PCDH9: variants seen among roughly 807,000 people sequenced by gnomAD.
PCDH9 encodes the protein protocadherin-9.
Under a neutral mutation model 70.6 loss-of-function variants are expected in PCDH9, and 24 were observed. The observed-to-expected ratio is 0.34, with a 90% CI of 0.25 to 0.48. PCDH9 has a LOEUF of 0.48. Among genes scored for constraint, PCDH9 ranks in the 20% least tolerant of loss-of-function variants. The pLI, the probability that PCDH9 is intolerant of heterozygous loss-of-function variation, is 0.99. For missense variants in PCDH9, 1,281 were observed against 1,503.6 expected, an observed-to-expected ratio of 0.85 and a Z score of 2.45; for synonymous variants, 562 against 558.5, an observed-to-expected ratio of 1.01 and a Z score of -0.09.
intron 2 of PCDH9, among the ~76,000 whole-genome samples, chr13:67,060,417 CT>C (rs1388573589): frequency 6.6e-6 from 1 of 152,058 alleles, no homozygotes. Context: ...GAACACCTGG[CT>C]TTGTTTGTTT....
At chr13:66,372,301 T>C (rs1956668756) in intron 4 of PCDH9, among the ~76,000 whole-genome samples, 1 of 151,814 alleles carries the variant, frequency 6.6e-6, no homozygotes, top group Admixed American at 6.6e-5. Flanking sequence ...TTTGGAAAGG[T>C]TGTAAAAAAC....
intron 2 of PCDH9, among the ~76,000 whole-genome samples, chr13:66,983,162 C>T (rs1027092886): frequency 1.6e-4 from 25 of 152,188 alleles, no homozygotes; most frequent in African/African-American, 5.5e-4. Context: ...CAAATCACCA[C>T]GGCAGACGTT....
chr13:66,930,065 T>G (rs1383141654), intron 2 of PCDH9, among the ~76,000 whole-genome samples: 1 of 152,152 alleles, frequency 6.6e-6, no homozygotes, highest in Non-Finnish European at 1.5e-5. Flanking sequence ...AATGGAGATG[T>G]GGTCTTTTTG....
chr13:66,373,918 C>A (rs147064737), intron 4 of PCDH9, among the ~76,000 whole-genome samples: 1 of 152,182 alleles, frequency 6.6e-6, no homozygotes, highest in East Asian at 1.9e-4. Context: ...GTAATACCTG[C>A]TTATATCATA....
intron 2 of PCDH9, among the ~76,000 whole-genome samples, chr13:67,096,025 T>C (rs955969902): frequency 1.1e-4 from 17 of 152,320 alleles, no homozygotes; most frequent in African/African-American, 4.1e-4. Context: ...CAAGCACATA[T>C]ATAAGAGTCA....
chr13:66,355,132 T>A (rs1433830624), intron 4 of PCDH9, among the ~76,000 whole-genome samples: 1 of 152,124 alleles, frequency 6.6e-6, no homozygotes, highest in Non-Finnish European at 1.5e-5. Context: ...AGAGATGCCA[T>A]GTAGTTTCTC....
intron 4 of PCDH9, among the ~76,000 whole-genome samples, chr13:66,392,476 T>G (rs530371766): frequency 6.6e-6 from 1 of 152,294 alleles, no homozygotes; most frequent in East Asian, 1.9e-4. Context: ...AAAGTCATAA[T>G]ACTACCATTC....
intron 3 of PCDH9, among the ~76,000 whole-genome samples, chr13:66,656,727 C>T (rs1184756942): frequency 6.6e-6 from 1 of 152,110 alleles, no homozygotes; most frequent in African/African-American, 2.4e-5. Context: ...GCTTCATATT[C>T]ACTAGAGAAT....
intron 4 of PCDH9, among the ~76,000 whole-genome samples, chr13:66,373,908 G>A (rs1745753760): frequency 6.6e-6 from 1 of 152,044 alleles, no homozygotes. Flanking sequence ...CAATTTATCA[G>A]TAATACCTGC....
chr13:66,652,555 T>G (rs1593841235), intron 3 of PCDH9, among the ~76,000 whole-genome samples: 2 of 151,598 alleles, frequency 1.3e-5, no homozygotes, highest in East Asian at 3.9e-4. Flanking sequence ...ACATACTACC[T>G]AAAGTAATAT....
intron 3 of PCDH9, among the ~76,000 whole-genome samples, chr13:66,656,139 A>G (rs2077926026): frequency 6.6e-6 from 1 of 152,178 alleles, no homozygotes; most frequent in African/African-American, 2.4e-5. Context: ...CAAAAAAAAA[A>G]AAAGCAAAAT....
At chr13:66,715,482 CA>C (rs2078856264) in intron 3 of PCDH9, among the ~76,000 whole-genome samples, 1 of 152,028 alleles carries the variant, frequency 6.6e-6, no homozygotes, top group Non-Finnish European at 1.5e-5. Flanking sequence ...ATCAATAATT[CA>C]GTAGTCCATA....
At chr13:66,406,095 T>C (rs1593925275) in intron 4 of PCDH9, among the ~76,000 whole-genome samples, 1 of 152,240 alleles carries the variant, frequency 6.6e-6, no homozygotes, top group Non-Finnish European at 1.5e-5. Flanking sequence ...GGATTGTGGA[T>C]AGTAAAAGGT....
At position 67,227,884 on chromosome 13, in the gene PCDH9, C is replaced by G. The variant is rs78015009; in HGVS notation, c.557G>C (p.Ser186Thr). 1,984 of 1,614,074 alleles carry G rather than the reference C, an allele frequency of 1.2e-3. 16 individuals carry two copies. In the African/African-American group the frequency reaches 0.022, roughly 18 times the overall value. ...VQHYELLNGQ[S>T]VFGLDIVETP... is the part of the protein sequence containing the mutation. Reference sequence around the variant, plus strand: ...TTCCACGATATCCAGTCCAAAAACACTCTGCCCATTTAACAATTCATAATG... The same window carrying G: ...TTCCACGATATCCAGTCCAAAAACAGTCTGCCCATTTAACAATTCATAATG... Residue 186 changes from serine to threonine, a missense_variant, in exon 2 of 5, where the codon AGT becomes ACT. Transcript: ENST00000377865. This position sits in a 1 kb window ranked among gnomAD's most constrained non-coding sequence, Gnocchi z 4.6.
At chr13:67,025,099 T>C (rs929296233) in intron 2 of PCDH9, among the ~76,000 whole-genome samples, 1 of 152,148 alleles carries the variant, frequency 6.6e-6, no homozygotes, top group Non-Finnish European at 1.5e-5. Flanking sequence ...TACACATTCT[T>C]TGTCTCAGTA....
intron 4 of PCDH9, among the ~76,000 whole-genome samples, chr13:66,550,287 A>G (rs1170826846): frequency 2.0e-5 from 3 of 152,078 alleles, no homozygotes; most frequent in Non-Finnish European, 4.4e-5. Context: ...TGAAATAGAA[A>G]TTAAAATATA....
At chr13:67,084,188 T>C (rs1206553560) in intron 2 of PCDH9, among the ~76,000 whole-genome samples, 1 of 152,086 alleles carries the variant, frequency 6.6e-6, no homozygotes, top group Non-Finnish European at 1.5e-5. Context: ...AAAAGCAACA[T>C]CTTAACATGT....
intron 3 of PCDH9, among the ~76,000 whole-genome samples, chr13:66,674,072 C>T (rs958434202): frequency 6.6e-6 from 1 of 151,948 alleles, no homozygotes; most frequent in African/African-American, 2.4e-5. Flanking sequence ...CATTTATTCA[C>T]ATAAAGAGGG....
intron 2 of PCDH9, among the ~76,000 whole-genome samples, chr13:67,166,651 T>A (rs1257959517): frequency 1.3e-5 from 2 of 152,292 alleles, no homozygotes; most frequent in Non-Finnish European, 2.9e-5. Context: ...TAAAAATTTT[T>A]GAGTTTTTTA....
Sources: allele counts gnomAD v4.1 joint callset (sites outside exome capture counted in the v4.1 genomes callset), GRCh38; gene constraint gnomAD v4.1.1; non-coding constraint Gnocchi (gnomAD v3.1); transcripts MANE v1.5; gene names NCBI Gene and HGNC (gene_info 2026-07-23, HGNC 2026-07-21).